Variants in FRMD4B observed in about 807,000 individuals in gnomAD.
The protein encoded by FRMD4B is FERM domain containing 4B, also known as FERM domain-containing protein 4B.
A neutral mutation model predicts 141.5 loss-of-function variants in FRMD4B; 74 were observed. The observed-to-expected ratio is 0.52, with a 90% CI of 0.43 to 0.63. The LOEUF is 0.63. FRMD4B is among the 30% of genes least tolerant of loss of function. The probability of loss-of-function intolerance (pLI) is 0.00; values close to 1 mark genes in which losing one functional copy is unlikely to be tolerated. For synonymous variants in FRMD4B, 506 were observed against 467.9 expected (o/e 1.08, Z -1.05); for missense variants, 1,366 against 1,253.4 (o/e 1.09, Z -1.36).
At chr3:69,320,236 T>A (rs61020269) in intron 1 of FRMD4B, among the ~76,000 whole-genome samples, 8,499 of 152,168 alleles carry the variant, frequency 0.056, 738 homozygotes, top group African/African-American at 0.19. Context: ...AAATTTTTTT[T>A]AAAAATTATA....
At chr3:69,493,984 C>T (rs1706345258) in intron 1 of FRMD4B, among the ~76,000 whole-genome samples, 1 of 152,172 alleles carries the variant, frequency 6.6e-6, no homozygotes, top group South Asian at 2.1e-4. Flanking sequence ...TCAAGCCATC[C>T]TCTCACCTCA....
intron 5 of FRMD4B, among the ~76,000 whole-genome samples, chr3:69,280,569 A>T (rs1428660925): frequency 2.0e-5 from 3 of 152,138 alleles, no homozygotes; most frequent in Non-Finnish European, 2.9e-5. Context: ...AATTAAAGGA[A>T]AGAGGGAGTT....
At chr3:69,479,638 C>T (rs1457559818) in intron 1 of FRMD4B, among the ~76,000 whole-genome samples, 2 of 152,252 alleles carry the variant, frequency 1.3e-5, no homozygotes, top group Non-Finnish European at 1.5e-5. Context: ...CTGCCCTTAA[C>T]ATTTTTTCCT....
At chr3:69,371,350 C>G (rs1233325576) in intron 1 of FRMD4B, among the ~76,000 whole-genome samples, 1 of 152,128 alleles carries the variant, frequency 6.6e-6, no homozygotes, top group Non-Finnish European at 1.5e-5. Flanking sequence ...TTTGCTGGAA[C>G]TGAGGCAGGA....
At chr3:69,318,006 C>CT (rs763935512) in intron 1 of FRMD4B, among the ~76,000 whole-genome samples, 37 of 152,228 alleles carry the variant, frequency 2.4e-4, no homozygotes, top group Non-Finnish European at 4.9e-4. Context: ...TAGTCTCACT[C>CT]TGTCACCCAG....
chr3:69,472,902 T>G (rs1705915462), intron 1 of FRMD4B, among the ~76,000 whole-genome samples: 1 of 148,974 alleles, frequency 6.7e-6, no homozygotes, highest in Non-Finnish European at 1.5e-5. Flanking sequence ...TAGTAGCATA[T>G]CCAAGGCTTC....
In FRMD4B at chr3:69,193,731, T is replaced by C; in HGVS notation, c.1631A>G (p.Lys544Arg). 1 of 1,613,788 alleles carries C rather than the reference T, an allele frequency of 6.2e-7. No homozygotes were observed. Among genetic ancestry groups the C allele is most frequent in the Non-Finnish European group, 8.5e-7 (1 of 1,179,668 alleles). ...TATTGCATTTTCAATCTCCTGAAGC[T>C]TTTTCATCGCATCTGTGTAATCTTG... ...RKQDYTDAMK[K>R]LQEIENAINE... The change falls in exon 17 of 23, where the codon AAG (lysine) becomes AGG (arginine). Residue 544 changes from lysine to arginine, a missense_variant. Transcript: ENST00000398540.
At chr3:69,495,638 T>C (rs1214652931) in intron 1 of FRMD4B, among the ~76,000 whole-genome samples, 1 of 152,234 alleles carries the variant, frequency 6.6e-6, no homozygotes, top group Admixed American at 6.5e-5. Context: ...ATTATTCATC[T>C]GTAAAATGGG....
At chr3:69,429,489 G>A (rs941253723) in intron 2 of FRMD4B, among the ~76,000 whole-genome samples, 4 of 151,930 alleles carry the variant, frequency 2.6e-5, no homozygotes, top group Non-Finnish European at 5.9e-5. Context: ...TAGATATCCC[G>A]ACACAAAGAA....
intron 1 of FRMD4B, among the ~76,000 whole-genome samples, chr3:69,493,246 T>C (rs1706331791): frequency 6.6e-6 from 1 of 152,162 alleles, no homozygotes; most frequent in South Asian, 2.1e-4. Flanking sequence ...GAGTACAGTG[T>C]AAGGTCTAAT....
intron 1 of FRMD4B, among the ~76,000 whole-genome samples, chr3:69,479,174 G>T (rs887532004): frequency 1.3e-3 from 193 of 150,276 alleles, no homozygotes; most frequent in Non-Finnish European, 2.2e-3. Flanking sequence ...TGCCAGTCTG[G>T]GTCTTTTAAT....
At chr3:69,468,226 C>T (rs947872974) in intron 1 of FRMD4B, among the ~76,000 whole-genome samples, 1 of 98,560 alleles carries the variant, frequency 1.0e-5, no homozygotes, top group Admixed American at 8.5e-5. Flanking sequence ...ATCACGGATC[C>T]TCATGAACTC....
chr3:69,475,859 C>T (rs1705986892), intron 1 of FRMD4B, among the ~76,000 whole-genome samples: 2 of 151,784 alleles, frequency 1.3e-5, no homozygotes, highest in Admixed American at 6.5e-5. Context: ...ACATCCTCTC[C>T]AGCACCTGTT....
At chr3:69,478,258 G>A (rs1706038542) in intron 1 of FRMD4B, among the ~76,000 whole-genome samples, 2 of 152,076 alleles carry the variant, frequency 1.3e-5, no homozygotes, top group Non-Finnish European at 2.9e-5. Flanking sequence ...TTTTGAATGT[G>A]TTTTCTCTTG....
At chr3:69,271,084 C>T (rs1366807698) in intron 5 of FRMD4B, among the ~76,000 whole-genome samples, 1 of 152,086 alleles carries the variant, frequency 6.6e-6, no homozygotes, top group Non-Finnish European at 1.5e-5. Flanking sequence ...CACAATTTAG[C>T]TGTAATGCAA....
chr3:69,222,318 T>A (rs1212214927), intron 8 of FRMD4B, among the ~76,000 whole-genome samples: 1 of 151,616 alleles, frequency 6.6e-6, no homozygotes, highest in Non-Finnish European at 1.5e-5. Context: ...ATACAAAAAA[T>A]TAGCTGAGTG....
intron 10 of FRMD4B, among the ~76,000 whole-genome samples, chr3:69,216,976 T>C (rs186359203): frequency 4.0e-5 from 6 of 151,426 alleles, no homozygotes; most frequent in Admixed American, 3.3e-4. Flanking sequence ...AAAAAGCCAG[T>C]TATCCATTAA....
chr3:69,353,092 T>A (rs1020269867), intron 1 of FRMD4B, among the ~76,000 whole-genome samples: 1 of 149,634 alleles, frequency 6.7e-6, no homozygotes, highest in East Asian at 2.0e-4. Flanking sequence ...ATTTAAAATT[T>A]AAAAAAAAAA....
intron 1 of FRMD4B, among the ~76,000 whole-genome samples, chr3:69,526,933 C>T (rs1700939083): frequency 6.6e-6 from 1 of 152,164 alleles, no homozygotes; most frequent in African/African-American, 2.4e-5. Context: ...CACTTCAGGG[C>T]CTAAATTTCC....
Sources: allele counts gnomAD v4.1 joint callset (sites outside exome capture counted in the v4.1 genomes callset), GRCh38; gene constraint gnomAD v4.1.1; transcripts MANE v1.5; gene names NCBI Gene and HGNC (gene_info 2026-07-23, HGNC 2026-07-21).